The following SH3KBP1 variants were observed in gnomAD, a reference collection of about 807,000 sequenced individuals.
SH3KBP1 encodes the protein SH3 domain-containing kinase-binding protein 1.
A neutral mutation model predicts 50.1 loss-of-function variants in SH3KBP1; 8 were observed. That is an observed-to-expected ratio of 0.16 (90% CI 0.09 to 0.29). The LOEUF is 0.29. SH3KBP1 is among the 10% of genes least tolerant of loss of function. The pLI is 1.00. For missense variants in SH3KBP1, 377 were observed against 535.2 expected (o/e 0.70, Z 2.92); for synonymous variants, 227 against 218.6 (o/e 1.04, Z -0.34).
At chrX:19,842,524 T>A (rs1462841283) in intron 1 of SH3KBP1, among the ~76,000 whole-genome samples, 1 of 111,272 alleles carries the variant, frequency 9.0e-6, no homozygotes, top group Non-Finnish European at 1.9e-5. Flanking sequence ...AGAATCCATC[T>A]CAAAAAAATA....
At chrX:19,753,905 T>C (rs931826882) in intron 2 of SH3KBP1, among the ~76,000 whole-genome samples, 2 of 112,304 alleles carry the variant, frequency 1.8e-5, no homozygotes, top group Admixed American at 9.4e-5. Flanking sequence ...TAAAATTACA[T>C]AGCAGAACCA....
At chrX:19,789,378 C>T (rs1223813930) in intron 2 of SH3KBP1, among the ~76,000 whole-genome samples, 1 of 111,122 alleles carries the variant, frequency 9.0e-6, no homozygotes, top group African/African-American at 3.3e-5. Flanking sequence ...GCTAAAAGCC[C>T]CCATCTTAGT....
intron 3 of SH3KBP1, among the ~76,000 whole-genome samples, chrX:19,741,547 T>C (rs776233796): frequency 8.9e-6 from 1 of 111,854 alleles, no homozygotes; most frequent in Admixed American, 9.5e-5. Flanking sequence ...CAAAATACAA[T>C]AGAGACTTAC....
intron 3 of SH3KBP1, among the ~76,000 whole-genome samples, chrX:19,718,710 T>C (rs946750520): frequency 2.7e-5 from 3 of 111,916 alleles, no homozygotes; most frequent in Non-Finnish European, 5.6e-5. Context: ...AAAGGTGCTT[T>C]TCATGGGGCT....
intron 13 of SH3KBP1, among the ~76,000 whole-genome samples, chrX:19,553,881 A>AAT (rs1215964802): frequency 1.2e-5 from 1 of 82,715 alleles, no homozygotes; most frequent in East Asian, 3.5e-4. Flanking sequence ...GTTAATATAT[A>AAT]ATATATATTA....
At chrX:19,852,241 TTCAGATCGTTCCAGCCCCCAGCTG>T (rs1267182488) in intron 1 of SH3KBP1, among the ~76,000 whole-genome samples, 1 of 111,137 alleles carries the variant, frequency 9.0e-6, no homozygotes, top group Admixed American at 9.6e-5. Context: ...GGACCCAGCC[TTCAGATCGTTCCAGCCCCCAGCTG>T]TCATGTCCAC....
Position 19,887,565 on chromosome X carries a change from G to T in SH3KBP1, c.-255C>A. 5.3e-6 allele frequency: 1 copy of T among 188,170 alleles called. No individual in the cohort carries two copies. Among genetic ancestry groups the T allele is most frequent in the Non-Finnish European group, 9.3e-6 (1 of 107,499 alleles). 15.5% of individuals were successfully genotyped at this position (188,170 alleles called of 1,213,427 possible). A position where few individuals can be genotyped will look rare whatever the true frequency, so the allele number is the denominator to read the frequency against. On this transcript the variant is annotated 5_prime_UTR_variant, in exon 1 of 18. Transcript: ENST00000397821. Reference sequence around the variant, plus strand: ...GCATCGCGGCCCAATGCGCCCGGCTGCGCCGGGTTTCCTGCTCCCCGCGAG... The same window carrying T: ...GCATCGCGGCCCAATGCGCCCGGCTTCGCCGGGTTTCCTGCTCCCCGCGAG...
intron 12 of SH3KBP1, 158 bp downstream of exon 12, chrX:19,588,485 C>G (rs761180678): frequency 4.2e-6 from 5 of 1,192,556 alleles, no homozygotes; most frequent in Non-Finnish European, 4.5e-6. Flanking sequence ...CAGAAGTGGC[C>G]GGTGTCTTCA....
intron 6 of SH3KBP1, among the ~76,000 whole-genome samples, chrX:19,676,955 C>T (rs1201071303): frequency 8.9e-6 from 1 of 112,200 alleles, no homozygotes; most frequent in Admixed American, 9.4e-5. Flanking sequence ...ACAGGAAGAC[C>T]ATGGGAAAGA....
intron 7 of SH3KBP1, among the ~76,000 whole-genome samples, chrX:19,640,488 C>CTT (rs752769114): frequency 9.9e-6 from 1 of 100,753 alleles, no homozygotes. Context: ...TCTGCAACGA[C>CTT]TTTTTTTTTT....
At chrX:19,703,934 T>G (rs1202120737) in intron 4 of SH3KBP1, among the ~76,000 whole-genome samples, 1 of 111,118 alleles carries the variant, frequency 9.0e-6, no homozygotes, top group Non-Finnish European at 1.9e-5. Context: ...TTTTTTCTGT[T>G]TATTTTTAAT....
chrX:19,541,537 C>T (rs1352349459), intron 16 of SH3KBP1, among the ~76,000 whole-genome samples: 1 of 112,183 alleles, frequency 8.9e-6, no homozygotes, highest in African/African-American at 3.2e-5. Flanking sequence ...AAGAAATTGC[C>T]ATTTTTCTGT....
Position 19,546,023 on chromosome X carries a change from C to T in SH3KBP1, c.1522G>A (p.Asp508Asn), listed in dbSNP as rs750863849. The change falls in exon 15 of 18, where the codon GAC becomes AAC. Residue 508 changes from aspartate to asparagine, a missense_variant. By Grantham distance (23) the Asp-to-Asn change is conservative. Around this residue, in one of 3 missense-constraint regions of SH3KBP1, gnomAD observed 10 missense variants for 36.9 expected, o/e 0.27. Coordinates refer to ENST00000397821, the MANE Select transcript of SH3KBP1 (RefSeq NM_031892.3). ...TTATCCTCTTCGGGACTTGGGGAGT[C>T]GAAGATATCAGGGCTTGAAAGGGAT... is the stretch of plus-strand genomic sequence containing the variant. Reference protein sequence around the residue: ...SSSLSSPDIFDSPSPEEDKEE... With the variant: ...SSSLSSPDIFNSPSPEEDKEE... 8.3e-6 allele frequency: 10 copies of T among 1,210,268 alleles called. No homozygotes were observed. In the Admixed American group the frequency reaches 8.7e-5, roughly 11 times the overall value.
At chrX:19,687,761 CA>C in intron 5 of SH3KBP1, 1 of 795,938 alleles carries the variant, frequency 1.3e-6, no homozygotes, top group Admixed American at 2.3e-5. Context: ...CAAATGATGG[CA>C]AAAGAAGGAA....
intron 3 of SH3KBP1, among the ~76,000 whole-genome samples, chrX:19,737,457 G>A (rs1182947753): frequency 9.0e-6 from 1 of 111,584 alleles, no homozygotes. Context: ...CCCACATGTG[G>A]ATTTATTACT....
chrX:19,626,605 T>C (rs1204381602), intron 8 of SH3KBP1, among the ~76,000 whole-genome samples: 1 of 110,174 alleles, frequency 9.1e-6, no homozygotes, highest in Non-Finnish European at 1.9e-5. Flanking sequence ...TCTCACTCTG[T>C]CCCCTAGGCC....
intron 3 of SH3KBP1, among the ~76,000 whole-genome samples, chrX:19,727,210 T>C (rs1279219871): frequency 2.7e-5 from 3 of 112,420 alleles, no homozygotes; most frequent in Admixed American, 9.4e-5. Flanking sequence ...TACAGTTCAG[T>C]GGCATTAAGT....
At chrX:19,799,947 G>T in intron 2 of SH3KBP1, 1 of 256,419 alleles carries the variant, frequency 3.9e-6, no homozygotes, top group Non-Finnish European at 5.4e-6. Context: ...GAACCTGTAT[G>T]ACTGAGGAGG....
At chrX:19,675,672 G>A (rs759588530) in intron 6 of SH3KBP1, among the ~76,000 whole-genome samples, 3 of 111,710 alleles carry the variant, frequency 2.7e-5, no homozygotes, top group South Asian at 7.5e-4. Context: ...GATTATAGGC[G>A]TGAGCCACCA....
Sources: gnomAD v4.1 joint callset for allele counts (sites outside exome capture counted in the v4.1 genomes callset) on GRCh38, gnomAD v4.1.1 for gene constraint, gnomAD v4.1.1 regional missense constraint, MANE v1.5 for transcripts, NCBI Gene and HGNC (gene_info 2026-07-23, HGNC 2026-07-21) for gene names.